PKHD1L1: variants seen among roughly 807,000 people sequenced by gnomAD.
The protein encoded by PKHD1L1 is PKHD1 like 1.
Under a neutral mutation model 462.9 loss-of-function variants are expected in PKHD1L1, and 434 were observed. The ratio of observed to expected loss-of-function variants is 0.94; its 90% CI spans 0.87 to 1.02. PKHD1L1 has a LOEUF of 1.02. PKHD1L1 is among the 50% of genes least tolerant of loss of function. The pLI, the probability that PKHD1L1 is intolerant of heterozygous loss-of-function variation, is 0.00. For missense variants in PKHD1L1, 5,202 were observed against 5,096.1 expected (o/e 1.02, Z -0.63); for synonymous variants, 1,781 against 1,750.0 (o/e 1.02, Z -0.44).
In PKHD1L1 at chr8:109,526,773, T is replaced by C. The variant is rs1311358637; in HGVS notation, c.12485-11T>C. ...AAGGAAATCAAACACTATGATGCTT[T>C]TTTTTTCCAGGAAAAAATTATAAGA... On this transcript the variant is annotated splice_polypyrimidine_tract_variant and intron_variant, in intron 76 of 77. Transcript: ENST00000378402. 15 of 1,542,062 alleles carry C rather than the reference T, an allele frequency of 9.7e-6. No individual in the cohort carries two copies. The highest frequency in any genetic ancestry group is 2.0e-5 in the Admixed American group (1 of 50,352).
intron 50 of PKHD1L1, chr8:109,471,113 A>G: frequency 6.7e-7 from 1 of 1,492,254 alleles, no homozygotes; most frequent in South Asian, 1.2e-5. Context: ...AAACATCTAA[A>G]CTAAAACACT....
chr8:109,389,159 GT>G lies in PKHD1L1; in HGVS notation c.697+9del. ...ACGACTGGAACTTTTATTGGCAAGT[GT>G]TGGTCATCTTTCTTCATAATGCTCA... On this transcript the variant is annotated splice_region_variant and intron_variant, in intron 8 of 77. Coordinates refer to ENST00000378402, the MANE Select transcript of PKHD1L1 (RefSeq NM_177531.6). 6.2e-7 allele frequency: 1 copy of G among 1,600,002 alleles called. No individual in the cohort carries two copies. The highest frequency in any genetic ancestry group is 8.6e-7 in the Non-Finnish European group (1 of 1,168,618).
In PKHD1L1 at chr8:109,530,345, T is replaced by C; in HGVS notation, c.*255T>C. On this transcript the variant is annotated 3_prime_UTR_variant, in exon 78 of 78. Transcript: ENST00000378402. ...GAAATTTGTCATTTGGAAGTAGATA[T>C]GACACCTCTAAGTTATTGTACCAAC... The C allele has an allele frequency of 4.3e-6, 1 of 232,420 alleles. No individual in the cohort carries two copies. The allele number at this position is 232,420 out of a possible 1,614,324, so 14.4% of individuals were successfully genotyped here. A position where few individuals can be genotyped will look rare whatever the true frequency, so the allele number is the denominator to read the frequency against.
intron 2 of PKHD1L1, among the ~76,000 whole-genome samples, chr8:109,379,017 A>G (rs949839677): frequency 1.3e-5 from 2 of 152,172 alleles, no homozygotes; most frequent in African/African-American, 4.8e-5. Context: ...GTGCTAGCGC[A>G]TTGGGCCCAT....
In PKHD1L1 at chr8:109,526,847, G is replaced by A; in HGVS notation, c.12548G>A (p.Ser4183Asn). 1 of 1,592,150 alleles carries A rather than the reference G, an allele frequency of 6.3e-7. No homozygotes were observed. Among genetic ancestry groups the A allele is most frequent in the South Asian group, 1.1e-5 (1 of 88,490 alleles). Residue 4183 changes from serine (S) to asparagine (N), a missense_variant, in exon 77 of 78, where the codon AGC becomes AAC. This residue lies in a region of PKHD1L1 where 698 missense variants were observed against 736.3 expected (regional missense o/e 0.95). Transcript: ENST00000378402. The stretch of plus-strand genomic sequence containing the variant: ...GTTGGGGTAGAATCCAGAACTTTCA[G>A]CCTGCTGGCAGAGTCTGTCTCTAGC... Reference protein sequence around the residue: ...NVVGVESRTFSLLAESVSSSG... With the variant: ...NVVGVESRTFNLLAESVSSSG...
intron 55 of PKHD1L1, 52 bp from the exon 56 acceptor site, chr8:109,481,381 T>C (rs951750023): frequency 2.0e-5 from 30 of 1,482,278 alleles, no homozygotes; most frequent in Non-Finnish European, 2.2e-5. Context: ...TATGGGTGGA[T>C]TTTTTTTCCT....
Position 109,530,077 on chromosome 8 carries a change from C to T in PKHD1L1, c.12722-3C>T. ...ATTGTTTTGTATTGTTTCCATTTTT[C>T]AGGAAGCTACTAAAGTGCTGTTCCG... On this transcript the variant is annotated splice_polypyrimidine_tract_variant and splice_region_variant and intron_variant, in intron 77 of 77. Coordinates refer to ENST00000378402, the MANE Select transcript of PKHD1L1 (RefSeq NM_177531.6). 1 of 1,353,366 alleles carries T rather than the reference C, an allele frequency of 7.4e-7. No homozygotes were observed. The allele number at this position is 1,353,366 out of a possible 1,614,324, so 83.8% of individuals were successfully genotyped here. A position where few individuals can be genotyped will look rare whatever the true frequency, so the allele number is the denominator to read the frequency against.
intron 6 of PKHD1L1, among the ~76,000 whole-genome samples, chr8:109,385,975 G>A (rs1411219599): frequency 1.3e-5 from 2 of 152,040 alleles, no homozygotes; most frequent in African/African-American, 4.8e-5. Flanking sequence ...GTCTCATTTT[G>A]TGTATAAAAA....
At chr8:109,518,648 C>T (rs7842842) in intron 73 of PKHD1L1, 140 bp downstream of exon 73, 122,980 of 625,702 alleles carry the variant, frequency 0.2, 14,010 homozygotes, top group South Asian at 0.36. Context: ...GCCCAGAGAC[C>T]CTTTTTCCTT....
At chr8:109,386,286 G>A (rs1329291191) in intron 6 of PKHD1L1, among the ~76,000 whole-genome samples, 2 of 152,186 alleles carry the variant, frequency 1.3e-5, no homozygotes, top group African/African-American at 4.8e-5. Context: ...TGTTATTTCA[G>A]TCCTGCCTTT....
Position 109,491,900 on chromosome 8 carries a change from G to A in PKHD1L1, c.10142G>A (p.Arg3381Gln), listed in dbSNP as rs752154424. Reference sequence around the variant, plus strand: ...ATAAGAATATGGGGGAATGCCAACCGAGTCCGAGGGAATTTGATTGCACTT... The same window carrying A: ...ATAAGAATATGGGGGAATGCCAACCAAGTCCGAGGGAATTTGATTGCACTT... ...EGIRIWGNAN[R>Q]VRGNLIALSV... Residue 3381 changes from arginine (R) to glutamine (Q), a missense_variant, in exon 62 of 78, where the codon CGA becomes CAA. This residue lies in a region of PKHD1L1 where 4,497 missense variants were observed against 4,336.8 expected (regional missense o/e 1.04). Transcript: ENST00000378402. 28 of 1,603,614 alleles carry A rather than the reference G, an allele frequency of 1.7e-5. No homozygotes were observed. The highest frequency in any genetic ancestry group is 1.7e-4 in the Middle Eastern group (1 of 6,048).
intron 60 of PKHD1L1, 83 bp downstream of exon 60, chr8:109,490,138 C>A: frequency 2.5e-6 from 2 of 804,742 alleles, no homozygotes; most frequent in South Asian, 2.0e-5. Flanking sequence ...ATAGCCACAT[C>A]TTATATTAGC....
Position 109,522,798 on chromosome 8 carries a change from G to C in PKHD1L1, c.12238G>C (p.Val4080Leu), listed in dbSNP as rs372485762. ...SAFPVHHVAF[V>L]SSLLVITQPV... ...ATTTCCTGTTCATCACGTGGCCTTC[G>C]TGTCCTCACTCTTAGTGATCACTCA... Residue 4080 changes from valine to leucine, a missense_variant, in exon 75 of 78, where the codon GTG becomes CTG. By Grantham distance (32) the Val-to-Leu change is conservative. Around this residue, in one of 3 missense-constraint regions of PKHD1L1, gnomAD observed 698 missense variants for 736.3 expected, o/e 0.95. Transcript: ENST00000378402. The C allele has an allele frequency of 8.1e-6, 13 of 1,612,214 alleles. No individual in the cohort carries two copies. The highest frequency in any genetic ancestry group is 1.1e-5 in the Non-Finnish European group (13 of 1,179,418).
At chr8:109,399,039 C>T (rs1482487392) in intron 12 of PKHD1L1, among the ~76,000 whole-genome samples, 2 of 152,120 alleles carry the variant, frequency 1.3e-5, no homozygotes, top group Non-Finnish European at 2.9e-5. Flanking sequence ...CCTATCTACA[C>T]TAATATCATT....
chr8:109,398,572 GC>G, intron 12 of PKHD1L1, 24 bp downstream of exon 12: 1 of 1,204,128 alleles, frequency 8.3e-7, no homozygotes, highest in Non-Finnish European at 1.2e-6. Context: ...AGGGACAATG[GC>G]CATTTCTATA....
chr8:109,483,249 T>C, intron 57 of PKHD1L1, 144 bp downstream of exon 57: 1 of 566,036 alleles, frequency 1.8e-6, no homozygotes, highest in Non-Finnish European at 2.9e-6. Context: ...CTTGCAAAAA[T>C]GTATCCGATA....
chr8:109,433,218 T>C lies in PKHD1L1; in HGVS notation c.3340+2T>C. 6.3e-7 allele frequency: 1 copy of C among 1,596,526 alleles called. No individual in the cohort carries two copies. Among genetic ancestry groups the C allele is most frequent in the Non-Finnish European group, 8.6e-7 (1 of 1,166,638 alleles). On this transcript the variant is annotated splice_donor_variant, in intron 28 of 77. Coordinates refer to ENST00000378402, the MANE Select transcript of PKHD1L1 (RefSeq NM_177531.6). LOFTEE classifies it high-confidence loss of function. ...GTTGTTCTCTTCTTTCTGTGGATGG[T>C]AGGTCCTTTTAAAAACTATTAAGTC... is the stretch of plus-strand genomic sequence containing the variant.
chr8:109,518,839 A>G (rs1252638069), intron 73 of PKHD1L1, among the ~76,000 whole-genome samples: 1 of 152,144 alleles, frequency 6.6e-6, no homozygotes, highest in African/African-American at 2.4e-5. Flanking sequence ...GTCAATGAAA[A>G]GACAGAGGAA....
chr8:109,529,661 G>C (rs182817515), intron 77 of PKHD1L1, among the ~76,000 whole-genome samples: 398 of 151,308 alleles, frequency 2.6e-3, no homozygotes, highest in Admixed American at 3.8e-3. Context: ...CAGATAAGAA[G>C]ATTAATCAAT....
Sources: allele counts gnomAD v4.1 joint callset (sites outside exome capture counted in the v4.1 genomes callset), GRCh38; gene constraint gnomAD v4.1.1; regional missense constraint gnomAD v4.1.1; transcripts MANE v1.5; gene names NCBI Gene and HGNC (gene_info 2026-07-23, HGNC 2026-07-21).